Variants in LINGO4 observed in about 807,000 individuals in gnomAD.
LINGO4 encodes the protein leucine-rich repeat and immunoglobulin-like domain-containing nogo receptor-interacting protein 4.
A neutral mutation model predicts 27.9 loss-of-function variants in LINGO4; 22 were observed. The observed-to-expected ratio is 0.79, with a 90% CI of 0.56 to 1.13. LINGO4 has a LOEUF of 1.13. Among genes scored for constraint, LINGO4 ranks in the 50% most tolerant of loss-of-function variants. The pLI is 0.00. For synonymous variants in LINGO4, 306 were observed against 325.8 expected, an observed-to-expected ratio of 0.94 and a Z score of 0.65; for missense variants, 706 against 739.4, an observed-to-expected ratio of 0.95 and a Z score of 0.52.
chr1:151,801,301 T>C lies in LINGO4; in HGVS notation c.1404A>G (p.Thr468=). The C allele has an allele frequency of 6.2e-7, 1 of 1,613,362 alleles. No homozygotes were observed. Among genetic ancestry groups the C allele is most frequent in the South Asian group, 1.1e-5 (1 of 91,076 alleles). Residue 468 remains threonine, a synonymous_variant, in exon 2 of 2, where the codon ACA becomes ACG. Transcript: ENST00000368820. This position sits in a 1 kb window ranked among gnomAD's most constrained non-coding sequence, Gnocchi z 5.7. ...AGRVRVLEDG[T]LEIRSVQLRD... is the part of the protein sequence containing the mutation. ...GTAGCTGCACTGAGCGGATCTCCAG[T>C]GTCCCATCCTCTAGGACCCTTACTC...
In LINGO4 at chr1:151,802,287, G is replaced by A. The variant is rs774214528; in HGVS notation, c.418C>T (p.Arg140Cys). 2.4e-5 allele frequency: 39 copies of A among 1,614,088 alleles called. No homozygotes were observed. Among genetic ancestry groups the A allele is most frequent in the Admixed American group, 5.0e-5 (3 of 60,002 alleles). ...AGGAAGAGAACAATCTGGTTGAGGC[G>A]GAGGTCCAGCAGGGTCAGAGCAGAG... is the stretch of plus-strand genomic sequence containing the variant. ...GLSALTLLDL[R>C]LNQIVLFLDG... The change falls in exon 2 of 2, where the codon CGC becomes TGC. Residue 140 changes from arginine (R) to cysteine (C), a missense_variant. Coordinates refer to ENST00000368820, the MANE Select transcript of LINGO4 (RefSeq NM_001004432.4).
chr1:151,804,421 C>T (rs541903194), intron 1 of LINGO4, among the ~76,000 whole-genome samples: 13 of 152,334 alleles, frequency 8.5e-5, no homozygotes, highest in Non-Finnish European at 1.3e-4. Context: ...AGAGCTCTCC[C>T]GGGAAAGATG....
chr1:151,802,582 G>T lies in LINGO4; in HGVS notation c.123C>A (p.Pro41=). The change falls in exon 2 of 2, where the codon CCC becomes CCA. Residue 41 remains proline (P), a synonymous_variant. Transcript: ENST00000368820. ...CPAVCDCTSQ[P]QAVLCGHRQL... is the part of the protein sequence containing the mutation. ...GCCTGTGGCCACAGAGCACAGCCTGGGGCTGGGAGGTGCAGTCACACACAG... is the reference window on the plus strand; with the variant it reads ...GCCTGTGGCCACAGAGCACAGCCTGTGGCTGGGAGGTGCAGTCACACACAG... 1 of 1,600,128 alleles carries T rather than the reference G, an allele frequency of 6.2e-7. No individual in the cohort carries two copies. The highest frequency in any genetic ancestry group is 2.3e-5 in the East Asian group (1 of 44,318).
In LINGO4 at chr1:151,801,581, T is replaced by G; in HGVS notation, c.1124A>C (p.His375Pro). The change falls in exon 2 of 2, where the codon CAC (histidine) becomes CCC (proline). Residue 375 changes from histidine (H) to proline (P), a missense_variant. Coordinates refer to ENST00000368820, the MANE Select transcript of LINGO4 (RefSeq NM_001004432.4). The surrounding 1 kb of genome is among the most constrained non-coding windows in gnomAD (Gnocchi z 5.7). ...RLLWLLRLRRHLDFGMSPPAC... is the reference protein window; with the variant it reads ...RLLWLLRLRRPLDFGMSPPAC... ...AGGGGGGGACATGCCAAAGTCCAGG[T>G]GGCGGCGGAGCCGGAGCAGCCAGAG... 6.2e-7 allele frequency: 1 copy of G among 1,613,634 alleles called. No homozygotes were observed. Among genetic ancestry groups the G allele is most frequent in the Non-Finnish European group, 8.5e-7 (1 of 1,179,990 alleles).
chr1:151,801,300 G>A lies in LINGO4; in HGVS notation c.1405C>T (p.Leu469=). 6.2e-7 allele frequency: 1 copy of A among 1,613,658 alleles called. No individual in the cohort carries two copies. Among genetic ancestry groups the A allele is most frequent in the Non-Finnish European group, 8.5e-7 (1 of 1,179,572 alleles). The change falls in exon 2 of 2, where the codon CTG becomes TTG. Residue 469 remains leucine (L), a synonymous_variant. Coordinates refer to ENST00000368820, the MANE Select transcript of LINGO4 (RefSeq NM_001004432.4). This position sits in a 1 kb window ranked among gnomAD's most constrained non-coding sequence, Gnocchi z 5.7. ...GRVRVLEDGT[L]EIRSVQLRDR... ...CGTAGCTGCACTGAGCGGATCTCCA[G>A]TGTCCCATCCTCTAGGACCCTTACT...
At position 151,800,665 on chromosome 1, in the gene LINGO4, G is replaced by A; in HGVS notation, c.*258C>T. 1 of 478,704 alleles carries A rather than the reference G, an allele frequency of 2.1e-6. No individual in the cohort carries two copies. Among genetic ancestry groups the A allele is most frequent in the Non-Finnish European group, 3.7e-6 (1 of 270,076 alleles). The allele number at this position is 478,704 out of a possible 1,614,324, so 29.7% of individuals were successfully genotyped here. On this transcript the variant is annotated 3_prime_UTR_variant, in exon 2 of 2. Coordinates refer to ENST00000368820, the MANE Select transcript of LINGO4 (RefSeq NM_001004432.4). ...TTATGTTTCCTGTTTTGTGTGTGGA[G>A]GGGGTGAAGCAGGGGCTGGACTAAC...
rs768336647 is a variant in LINGO4, at chr1:151,801,655, C to G, written c.1050G>C (p.Leu350=). The G allele has an allele frequency of 6.2e-7, 1 of 1,614,136 alleles. No homozygotes were observed. Among genetic ancestry groups the G allele is most frequent in the Non-Finnish European group, 8.5e-7 (1 of 1,180,034 alleles). The change falls in exon 2 of 2, where the codon CTG becomes CTC. Residue 350 remains leucine (L), a synonymous_variant. Transcript: ENST00000368820. The surrounding 1 kb of genome is among the most constrained non-coding windows in gnomAD (Gnocchi z 5.7). ...EETAFPSPDK[L]VTLRLSGNPL... Reference sequence around the variant, plus strand: ...GGTTGCCAGACAGCCTCAAGGTGACCAGTTTGTCTGGAGAAGGGAAAGCTG... The same window carrying G: ...GGTTGCCAGACAGCCTCAAGGTGACGAGTTTGTCTGGAGAAGGGAAAGCTG...
At position 151,801,958 on chromosome 1, in the gene LINGO4, C is replaced by T; in HGVS notation, c.747G>A (p.Leu249=). 1 of 1,614,186 alleles carries T rather than the reference C, an allele frequency of 6.2e-7. No individual in the cohort carries two copies. The change falls in exon 2 of 2, where the codon CTG becomes CTA. Residue 249 remains leucine, a synonymous_variant. Transcript: ENST00000368820. This position sits in a 1 kb window ranked among gnomAD's most constrained non-coding sequence, Gnocchi z 5.7. The part of the protein sequence containing the change: ...PSLEALDPGS[L]VGLNLSSLAI... The stretch of plus-strand genomic sequence containing the variant: ...CCAGGCTGCTGAGATTGAGCCCAAC[C>T]AGGCTCCCAGGGTCCAGAGCCTCCA...
Position 151,800,560 on chromosome 1 carries a change from G to A in LINGO4, c.*363C>T, listed in dbSNP as rs1412556452. On this transcript the variant is annotated 3_prime_UTR_variant, in exon 2 of 2. Transcript: ENST00000368820. ...CCACCTCTGAAATAATCTTATAGCCGTGGTTGGCAATTGGTTATTAAAGGA... is the reference window on the plus strand; with the variant it reads ...CCACCTCTGAAATAATCTTATAGCCATGGTTGGCAATTGGTTATTAAAGGA... The A allele has an allele frequency of 1.6e-5, 3 of 191,300 alleles. No homozygotes were observed. The highest frequency in any genetic ancestry group is 3.2e-5 in the Non-Finnish European group (3 of 93,430). 11.9% of individuals were successfully genotyped at this position (191,300 alleles called of 1,614,324 possible).
Position 151,801,676 on chromosome 1 carries a change from A to C in LINGO4, c.1029T>G (p.Ala343=). 6.2e-7 allele frequency: 1 copy of C among 1,614,212 alleles called. No homozygotes were observed. The highest frequency in any genetic ancestry group is 8.5e-7 in the Non-Finnish European group (1 of 1,180,040). Residue 343 remains alanine (A), a synonymous_variant, in exon 2 of 2, where the codon GCT becomes GCG. Transcript: ENST00000368820. The surrounding 1 kb of genome is among the most constrained non-coding windows in gnomAD (Gnocchi z 5.7). Reference sequence around the variant, plus strand: ...TGACCAGTTTGTCTGGAGAAGGGAAAGCTGTTTCCTCTAGTGTCTGAAGGG... The same window carrying C: ...TGACCAGTTTGTCTGGAGAAGGGAACGCTGTTTCCTCTAGTGTCTGAAGGG... ...DNALQTLEET[A]FPSPDKLVTL...
Position 151,800,794 on chromosome 1 carries a change from C to T in LINGO4, c.*129G>A. On this transcript the variant is annotated 3_prime_UTR_variant, in exon 2 of 2. Coordinates refer to ENST00000368820, the MANE Select transcript of LINGO4 (RefSeq NM_001004432.4). ...GAAGCAGACTCTCCGGCAGGAGGCA[C>T]AACGCAGGCGGGAGGTGCAGGAGAG... 1.2e-6 allele frequency: 1 copy of T among 807,598 alleles called. No homozygotes were observed. The highest frequency in any genetic ancestry group is 2.0e-6 in the Non-Finnish European group (1 of 509,412). 50.0% of individuals were successfully genotyped at this position (807,598 alleles called of 1,614,324 possible). A position where few individuals can be genotyped will look rare whatever the true frequency, so the allele number is the denominator to read the frequency against.
In LINGO4 at chr1:151,800,611, G is replaced by A. The variant is rs1271175866; in HGVS notation, c.*312C>T. 2 of 336,416 alleles carry A rather than the reference G, an allele frequency of 5.9e-6. No homozygotes were observed. The highest frequency in any genetic ancestry group is 5.5e-6 in the Non-Finnish European group (1 of 183,418). The allele number at this position is 336,416 out of a possible 1,614,324, so 20.8% of individuals were successfully genotyped here. The stretch of plus-strand genomic sequence containing the variant: ...TATAAGCATGTGTGAAGAAAGCCTA[G>A]TGGTTAGACTAGCTGACTAGCGCTT... On this transcript the variant is annotated 3_prime_UTR_variant, in exon 2 of 2. Coordinates refer to ENST00000368820, the MANE Select transcript of LINGO4 (RefSeq NM_001004432.4).
At chr1:151,803,194 C>T (rs1651202222) in intron 1 of LINGO4, among the ~76,000 whole-genome samples, 1 of 152,206 alleles carries the variant, frequency 6.6e-6, no homozygotes, top group Non-Finnish European at 1.5e-5. Context: ...TTGCTTAAGG[C>T]TCAGGGAGAT....
chr1:151,802,908 G>A (rs1205887940), intron 1 of LINGO4, among the ~76,000 whole-genome samples, 191 bp from the exon 2 acceptor site: 5 of 152,152 alleles, frequency 3.3e-5, no homozygotes, highest in Admixed American at 1.3e-4. Flanking sequence ...TCTCTTTGGG[G>A]AATCTCTGCT....
chr1:151,801,527 C>A lies in LINGO4; in HGVS notation c.1178G>T (p.Gly393Val). ...GTCTGAAAACTCCTTCAGGCTCTTC[C>A]CCTGGACATGATGGGGGCCAGCACA... ...PACAGPHHVQ[G>V]KSLKEFSDIL... The change falls in exon 2 of 2, where the codon GGG becomes GTG. Residue 393 changes from glycine to valine, a missense_variant. By Grantham distance (109) the Gly-to-Val change is moderately radical. Coordinates refer to ENST00000368820, the MANE Select transcript of LINGO4 (RefSeq NM_001004432.4). This position sits in a 1 kb window ranked among gnomAD's most constrained non-coding sequence, Gnocchi z 5.7. The A allele has an allele frequency of 1.2e-6, 2 of 1,613,958 alleles. No individual in the cohort carries two copies. The highest frequency in any genetic ancestry group is 1.7e-6 in the Non-Finnish European group (2 of 1,179,940).
intron 1 of LINGO4, among the ~76,000 whole-genome samples, chr1:151,804,555 A>T (rs1651234625): frequency 6.6e-6 from 1 of 152,254 alleles, no homozygotes; most frequent in Non-Finnish European, 1.5e-5. Flanking sequence ...GCAGTGAAGC[A>T]TGTAACCCAG....
At position 151,800,851 on chromosome 1, in the gene LINGO4, G is replaced by T; in HGVS notation, c.*72C>A. The T allele has an allele frequency of 7.1e-7, 1 of 1,416,888 alleles. No homozygotes were observed. Among genetic ancestry groups the T allele is most frequent in the East Asian group, 2.3e-5 (1 of 43,600 alleles). The allele number at this position is 1,416,888 out of a possible 1,614,324, so 87.8% of individuals were successfully genotyped here. A position where few individuals can be genotyped will look rare whatever the true frequency, so the allele number is the denominator to read the frequency against. On this transcript the variant is annotated 3_prime_UTR_variant, in exon 2 of 2. Coordinates refer to ENST00000368820, the MANE Select transcript of LINGO4 (RefSeq NM_001004432.4). ...TGCTCGGGACTAGGTTCTGGTTCAAGCAGCCTTGGTTCTGTCTTCCCCTTT... is the reference window on the plus strand; with the variant it reads ...TGCTCGGGACTAGGTTCTGGTTCAATCAGCCTTGGTTCTGTCTTCCCCTTT...
At position 151,800,670 on chromosome 1, in the gene LINGO4, T is replaced by G. The variant is rs1572027970; in HGVS notation, c.*253A>C. 1.5e-5 allele frequency: 7 copies of G among 478,068 alleles called. No homozygotes were observed. The highest frequency in any genetic ancestry group is 3.8e-5 in the South Asian group (1 of 26,308). The allele number at this position is 478,068 out of a possible 1,614,324, so 29.6% of individuals were successfully genotyped here. Reference sequence around the variant, plus strand: ...TTTCCTGTTTTGTGTGTGGAGGGGGTGAAGCAGGGGCTGGACTAACGACGG... The same window carrying G: ...TTTCCTGTTTTGTGTGTGGAGGGGGGGAAGCAGGGGCTGGACTAACGACGG... On this transcript the variant is annotated 3_prime_UTR_variant, in exon 2 of 2. Coordinates refer to ENST00000368820, the MANE Select transcript of LINGO4 (RefSeq NM_001004432.4).
chr1:151,804,748 T>C (rs1651240220), intron 1 of LINGO4, among the ~76,000 whole-genome samples: 1 of 152,218 alleles, frequency 6.6e-6, no homozygotes, highest in African/African-American at 2.4e-5. Flanking sequence ...AGAACCACTT[T>C]TTTGTCCCTT....
Sources: gnomAD v4.1 joint callset for allele counts (sites outside exome capture counted in the v4.1 genomes callset) on GRCh38, gnomAD v4.1.1 for gene constraint, Gnocchi (gnomAD v3.1) non-coding constraint, MANE v1.5 for transcripts, NCBI Gene and HGNC (gene_info 2026-07-23, HGNC 2026-07-21) for gene names.